Variants in SYNPO2 observed in about 807,000 individuals in gnomAD.
SYNPO2 encodes synaptopodin-2.
In SYNPO2, 56 loss-of-function variants were observed where a neutral mutation model predicts 85.0. That is an observed-to-expected ratio of 0.66 (90% CI 0.53 to 0.82). The LOEUF (loss-of-function observed/expected upper bound fraction) is 0.82. SYNPO2 is among the 40% of genes least tolerant of loss of function. The pLI is 0.00. For missense variants in SYNPO2, 1,575 were observed against 1,534.2 expected, an observed-to-expected ratio of 1.03 and a Z score of -0.44; for synonymous variants, 602 against 591.1, an observed-to-expected ratio of 1.02 and a Z score of -0.27.
At chr4:119,035,530 C>T (rs10103) in intron 4 of SYNPO2, 847,910 of 985,242 alleles carry the variant, frequency 0.86, 364,909 homozygotes, top group Admixed American at 0.89. Context: ...TGGGTTGTCA[C>T]TCTAGAGCAT....
chr4:118,888,990 T>A lies in SYNPO2; in HGVS notation c.-47T>A, dbSNP rs1297890737. 6.3e-7 allele frequency: 1 copy of A among 1,597,896 alleles called. No homozygotes were observed. The highest frequency in any genetic ancestry group is 8.6e-7 in the Non-Finnish European group (1 of 1,166,662). ...GCGCATCCTCTACCGCACCCAAGCT[T>A]CGTCTGTCTCGTCAAGCTCTTCATG... On this transcript the variant is annotated 5_prime_UTR_variant, in exon 1 of 5. Transcript: ENST00000307142.
chr4:118,977,100 G>C (rs532023436), intron 1 of SYNPO2, among the ~76,000 whole-genome samples: 1 of 152,360 alleles, frequency 6.6e-6, no homozygotes, highest in Non-Finnish European at 1.5e-5. Context: ...TGGAGCAGGG[G>C]GTGGTGCTCG....
intron 1 of SYNPO2, among the ~76,000 whole-genome samples, chr4:118,937,364 C>T (rs11944900): frequency 6.6e-6 from 1 of 152,068 alleles, no homozygotes; most frequent in East Asian, 1.9e-4. Flanking sequence ...GGTCTCTTTG[C>T]CTGACAAACT....
At chr4:118,894,600 G>A (rs1483973593) in intron 1 of SYNPO2, among the ~76,000 whole-genome samples, 1 of 151,658 alleles carries the variant, frequency 6.6e-6, no homozygotes, top group East Asian at 1.9e-4. Context: ...GGAGAAAGAT[G>A]CAGGGGGAAG....
chr4:118,978,132 T>C (rs1578607895), intron 1 of SYNPO2, among the ~76,000 whole-genome samples: 1 of 152,224 alleles, frequency 6.6e-6, no homozygotes, highest in African/African-American at 2.4e-5. Context: ...TGTCATAACT[T>C]ATTGATTTTC....
At chr4:119,033,964 A>T in intron 4 of SYNPO2, 1 of 985,398 alleles carries the variant, frequency 1.0e-6, no homozygotes, top group South Asian at 4.7e-5. Flanking sequence ...TCTCTGGAAA[A>T]TCTTTCATTG....
At chr4:118,997,957 T>G (rs563494999) in intron 1 of SYNPO2, among the ~76,000 whole-genome samples, 2 of 152,248 alleles carry the variant, frequency 1.3e-5, no homozygotes, top group East Asian at 3.9e-4. Context: ...ATTTCCAAGA[T>G]CTTAGATGTC....
At chr4:119,053,504 GT>G (rs1739114967) in intron 4 of SYNPO2, among the ~76,000 whole-genome samples, 1 of 152,166 alleles carries the variant, frequency 6.6e-6, no homozygotes, top group Non-Finnish European at 1.5e-5. Flanking sequence ...CCTCACTGCT[GT>G]TACATTTGTC....
At chr4:118,988,870 C>T (rs1388869659) in intron 1 of SYNPO2, among the ~76,000 whole-genome samples, 1 of 152,122 alleles carries the variant, frequency 6.6e-6, no homozygotes, top group Non-Finnish European at 1.5e-5. Flanking sequence ...GTCATCGAAT[C>T]GCTTCAGACT....
chr4:118,974,339 T>C (rs1336969902), intron 1 of SYNPO2, among the ~76,000 whole-genome samples: 1 of 152,228 alleles, frequency 6.6e-6, no homozygotes. Flanking sequence ...GGCTTTCTTG[T>C]TTGTGAATAT....
Position 118,892,762 on chromosome 4 carries a change from T to G in SYNPO2, c.105+3621T>G, listed in dbSNP as rs181905147. On this transcript the variant is annotated intron_variant, in intron 1 of 4. Coordinates refer to ENST00000307142, the MANE Select transcript of SYNPO2 (RefSeq NM_133477.3). Reference sequence around the variant, plus strand: ...TCAAATCTTATGCACCACTATAGTATGTGTTCTACTGAATTTAGTTCAAAG... The same window carrying G: ...TCAAATCTTATGCACCACTATAGTAGGTGTTCTACTGAATTTAGTTCAAAG... Among the ~76,000 whole-genome samples, 3 of 152,316 alleles carry G rather than the reference T, an allele frequency of 2.0e-5. No homozygotes were observed. The East Asian group carries it at 5.8e-4, about 29-fold the overall frequency.
At chr4:118,996,641 A>G (rs1046471827) in intron 1 of SYNPO2, among the ~76,000 whole-genome samples, 9 of 151,966 alleles carry the variant, frequency 5.9e-5, no homozygotes, top group Non-Finnish European at 8.8e-5. Context: ...GTGGATCATG[A>G]GGTCAGGAGA....
intron 1 of SYNPO2, among the ~76,000 whole-genome samples, chr4:118,998,258 G>A (rs1207895541): frequency 6.6e-6 from 1 of 152,172 alleles, no homozygotes; most frequent in Admixed American, 6.5e-5. Flanking sequence ...GAATTTAAGA[G>A]AGCGCTCAAG....
intron 1 of SYNPO2, among the ~76,000 whole-genome samples, chr4:118,900,703 C>CTCTCTCTCTATATATA (rs1277981772): frequency 1.2e-3 from 54 of 43,852 alleles, no homozygotes; most frequent in Non-Finnish European, 1.5e-3. Flanking sequence ...CTCTCTCTCT[C>CTCTCTCTCTATATATA]TATATATATA....
At chr4:119,032,082 A>G in intron 4 of SYNPO2, 55 bp downstream of exon 4, 1 of 1,588,532 alleles carries the variant, frequency 6.3e-7, no homozygotes, top group East Asian at 2.3e-5. Flanking sequence ...CTGAGTGTCC[A>G]CTTTGCTTGA....
intron 1 of SYNPO2, among the ~76,000 whole-genome samples, chr4:118,865,792 T>C (rs1291217671): frequency 2.6e-5 from 4 of 152,214 alleles, no homozygotes. Context: ...GATAAGGCAT[T>C]TCCTTAATAA....
rs80337408 is a variant in SYNPO2 at position 118,940,445 on chromosome 4, C to T, written c.105+51304C>T. 6.2e-3 allele frequency among the ~76,000 whole-genome samples: 945 copies of T among 152,222 alleles called. 45 individuals are homozygous for T. In the East Asian group the frequency reaches 0.13, roughly 20 times the overall value. On this transcript the variant is annotated intron_variant, in intron 1 of 4. Coordinates refer to ENST00000307142, the MANE Select transcript of SYNPO2 (RefSeq NM_133477.3). ...TGAAATAAGAGTAAACTGTTTTCAGCTAATTACCCAAAGGACTGCCTTACA... is the reference window on the plus strand; with the variant it reads ...TGAAATAAGAGTAAACTGTTTTCAGTTAATTACCCAAAGGACTGCCTTACA...
intron 1 of SYNPO2, among the ~76,000 whole-genome samples, chr4:118,986,980 G>T (rs1396960065): frequency 6.6e-6 from 1 of 152,134 alleles, no homozygotes; most frequent in Non-Finnish European, 1.5e-5. Flanking sequence ...CTGCAAATGT[G>T]TTATATGTCT....
At chr4:118,976,973 C>G (rs1173183470) in intron 1 of SYNPO2, among the ~76,000 whole-genome samples, 1 of 152,246 alleles carries the variant, frequency 6.6e-6, no homozygotes, top group African/African-American at 2.4e-5. Flanking sequence ...GACTCAGGAA[C>G]CCAGCTGGCT....
Sources: allele counts gnomAD v4.1 joint callset (sites outside exome capture counted in the v4.1 genomes callset), GRCh38; gene constraint gnomAD v4.1.1; transcripts MANE v1.5; gene names NCBI Gene and HGNC (gene_info 2026-07-23, HGNC 2026-07-21).